Variants in NEO1 observed in about 807,000 individuals in gnomAD.
NEO1 encodes neogenin 1.
NEO1 carries 63 observed loss-of-function variants against 159.7 expected under a neutral mutation model. The observed-to-expected ratio is 0.39, with a 90% confidence interval of 0.32 to 0.49. The LOEUF is 0.49. Among genes scored for constraint, NEO1 ranks in the 20% least tolerant of loss-of-function variants. The probability of loss-of-function intolerance (pLI) is 0.85; values close to 1 mark genes in which losing one functional copy is unlikely to be tolerated. For missense variants in NEO1, 1,615 were observed against 1,831.0 expected (o/e 0.88, Z 2.15); for synonymous variants, 633 against 662.0 (o/e 0.96, Z 0.67).
intron 1 of NEO1, among the ~76,000 whole-genome samples, chr15:73,110,552 C>A (rs191478562): frequency 6.6e-6 from 1 of 152,236 alleles, no homozygotes; most frequent in African/African-American, 2.4e-5. Flanking sequence ...TTGGGAGTTA[C>A]AACAGAAAGG....
intron 1 of NEO1, among the ~76,000 whole-genome samples, chr15:73,077,523 C>G (rs2068831888): frequency 6.6e-6 from 1 of 152,222 alleles, no homozygotes; most frequent in Non-Finnish European, 1.5e-5. Context: ...GTGACTTTCT[C>G]TGATTTAAGA....
intron 1 of NEO1, among the ~76,000 whole-genome samples, chr15:73,093,468 G>A (rs1200398927): frequency 1.3e-5 from 2 of 151,748 alleles, no homozygotes; most frequent in Non-Finnish European, 2.9e-5. Flanking sequence ...TCTTTCAACT[G>A]TATATTATGA....
intron 7 of NEO1, among the ~76,000 whole-genome samples, chr15:73,235,068 C>T (rs2039099575): frequency 6.6e-6 from 1 of 152,184 alleles, no homozygotes; most frequent in Non-Finnish European, 1.5e-5. Context: ...TCCCTTTCCA[C>T]CTATCTAGAG....
intron 5 of NEO1, among the ~76,000 whole-genome samples, chr15:73,164,380 A>AT (rs2034425257): frequency 6.6e-6 from 1 of 151,476 alleles, no homozygotes; most frequent in Non-Finnish European, 1.5e-5. Context: ...CACTCAGGTA[A>AT]TTTTTTGTGT....
Position 73,272,873 on chromosome 15 carries a change from G to A in NEO1, c.2965+311G>A, listed in dbSNP as rs1350889065. On this transcript the variant is annotated intron_variant, in intron 19 of 28. Transcript: ENST00000261908. ...AGGAAAGCTGCTCTTCTCTGTCTCCGCCTAGATGGACAGCTTCAGAATTAT... is the reference window on the plus strand; with the variant it reads ...AGGAAAGCTGCTCTTCTCTGTCTCCACCTAGATGGACAGCTTCAGAATTAT... Among the ~76,000 whole-genome samples the A allele has an allele frequency of 3.4e-5, 5 of 149,202 alleles. 1 individual carries two copies. Among genetic ancestry groups the A allele is most frequent in the South Asian group, 4.3e-4 (2 of 4,696 alleles).
chr15:73,290,373 T>C (rs756783100), intron 25 of NEO1, among the ~76,000 whole-genome samples: 3 of 151,454 alleles, frequency 2.0e-5, no homozygotes, highest in African/African-American at 4.9e-5. Flanking sequence ...CCCAAGCAGC[T>C]GGGATTACAG....
chr15:73,220,808 A>G lies in NEO1; in HGVS notation c.1292-15539A>G, dbSNP rs139764912. 3.2e-3 allele frequency among the ~76,000 whole-genome samples: 488 copies of G among 152,240 alleles called. 2 individuals carry two copies. The highest frequency in any genetic ancestry group is 0.011 in the African/African-American group (476 of 41,548). On this transcript the variant is annotated intron_variant, in intron 7 of 28. Coordinates refer to ENST00000261908, the MANE Select transcript of NEO1 (RefSeq NM_002499.4). ...CTTTAAGCACTTCTCTGTATTGGTT[A>G]TTATAGTTATACATTCGTCTAAATT...
chr15:73,250,200 G>A (rs2040004468), intron 11 of NEO1, among the ~76,000 whole-genome samples: 1 of 151,428 alleles, frequency 6.6e-6, no homozygotes, highest in Non-Finnish European at 1.5e-5. Flanking sequence ...CCATATATAT[G>A]TATATACACC....
At chr15:73,259,020 C>A in intron 14 of NEO1, 144 bp downstream of exon 14, 1 of 643,810 alleles carries the variant, frequency 1.6e-6, no homozygotes, top group Non-Finnish European at 2.7e-6. Flanking sequence ...TCCTGTATTG[C>A]ATCGAGGCTG....
At chr15:73,262,221 T>G (rs1376265429) in intron 15 of NEO1, among the ~76,000 whole-genome samples, 3 of 152,184 alleles carry the variant, frequency 2.0e-5, no homozygotes, top group Non-Finnish European at 4.4e-5. Flanking sequence ...CCTCTTAGGT[T>G]GTAAAACAGC....
intron 5 of NEO1, among the ~76,000 whole-genome samples, chr15:73,145,091 A>C (rs1017176906): frequency 6.6e-6 from 1 of 152,208 alleles, no homozygotes; most frequent in Admixed American, 6.5e-5. Context: ...GATTGCAATG[A>C]TATAAATGGT....
intron 7 of NEO1, among the ~76,000 whole-genome samples, chr15:73,226,372 C>T (rs1021818724): frequency 1.3e-5 from 2 of 152,140 alleles, no homozygotes; most frequent in Non-Finnish European, 2.9e-5. Flanking sequence ...TCTTTTAAAG[C>T]GGCTCTCTGC....
chr15:73,051,858 T>G (rs1335931139), upstream of NEO1: 1 of 152,164 alleles, frequency 6.6e-6, no homozygotes, highest in Admixed American at 6.5e-5. Context: ...GGCCTTTCGG[T>G]TTCCTCTGAG....
At chr15:73,130,541 T>C (rs1344263543) in intron 4 of NEO1, among the ~76,000 whole-genome samples, 1 of 152,266 alleles carries the variant, frequency 6.6e-6, no homozygotes, top group East Asian at 1.9e-4. Context: ...GAAGAAACTG[T>C]GGCCCCACCC....
At chr15:73,276,488 G>T (rs2041432419) in intron 21 of NEO1, among the ~76,000 whole-genome samples, 1 of 152,208 alleles carries the variant, frequency 6.6e-6, no homozygotes, top group Admixed American at 6.5e-5. Flanking sequence ...TTAATCTATG[G>T]TGTGTGTCAC....
At chr15:73,262,981 C>T (rs999882807) in intron 15 of NEO1, among the ~76,000 whole-genome samples, 1 of 151,970 alleles carries the variant, frequency 6.6e-6, no homozygotes, top group African/African-American at 2.4e-5. Flanking sequence ...CAGAATTTAT[C>T]TATAGTGACA....
At chr15:73,091,738 CTTT>C (rs11320847) in intron 1 of NEO1, among the ~76,000 whole-genome samples, 38 of 127,402 alleles carry the variant, frequency 3.0e-4, no homozygotes, top group Non-Finnish European at 3.5e-4. Context: ...TAATTTTACA[CTTT>C]TTTTTTTTTT....
At chr15:73,055,405 C>G (rs2067649075) in intron 1 of NEO1, among the ~76,000 whole-genome samples, 1 of 152,128 alleles carries the variant, frequency 6.6e-6, no homozygotes, top group South Asian at 2.1e-4. Context: ...ACCCTCCCCA[C>G]CCTTCTTACA....
At chr15:73,253,105 T>G (rs2040163072) in intron 11 of NEO1, among the ~76,000 whole-genome samples, 1 of 152,046 alleles carries the variant, frequency 6.6e-6, no homozygotes, top group South Asian at 2.1e-4. Context: ...TTTAGAAGAG[T>G]TCAGAGCTAC....
Sources: gnomAD v4.1 joint callset for allele counts (sites outside exome capture counted in the v4.1 genomes callset) on GRCh38, gnomAD v4.1.1 for gene constraint, MANE v1.5 for transcripts, NCBI Gene and HGNC (gene_info 2026-07-23, HGNC 2026-07-21) for gene names.